The following ZNF385D variants were observed in gnomAD, a reference collection of about 807,000 sequenced individuals.
ZNF385D encodes the protein zinc finger protein 659.
A neutral mutation model predicts 35.8 loss-of-function variants in ZNF385D; 15 were observed. That is an observed-to-expected ratio of 0.42 (90% CI 0.28 to 0.64). The LOEUF is 0.64. Among genes scored for constraint, ZNF385D ranks in the 30% least tolerant of loss-of-function variants. ZNF385D has a pLI of 0.23. For synonymous variants in ZNF385D, 212 were observed against 186.8 expected, an observed-to-expected ratio of 1.13 and a Z score of -1.10; for missense variants, 474 against 494.6, an observed-to-expected ratio of 0.96 and a Z score of 0.39.
chr3:22,299,668 T>C (rs765629393), intron 2 of ZNF385D, among the ~76,000 whole-genome samples: 54 of 151,900 alleles, frequency 3.6e-4, no homozygotes, highest in Middle Eastern at 6.8e-3. Flanking sequence ...AGCTTATCTA[T>C]ACACTAATAA....
chr3:21,774,489 A>G (rs1338728513), intron 3 of ZNF385D, among the ~76,000 whole-genome samples: 1 of 151,940 alleles, frequency 6.6e-6, no homozygotes, highest in Non-Finnish European at 1.5e-5. Context: ...ATCTTTAAAA[A>G]TGGAGGCCAA....
chr3:22,354,251 G>A (rs73142203), intron 2 of ZNF385D, among the ~76,000 whole-genome samples: 8,379 of 151,868 alleles, frequency 0.055, 681 homozygotes, highest in African/African-American at 0.18. Context: ...CTGTATCTCA[G>A]TTTCTTCAGT....
chr3:21,534,606 G>A (rs2061995059), intron 3 of ZNF385D, among the ~76,000 whole-genome samples: 1 of 152,110 alleles, frequency 6.6e-6, no homozygotes, highest in Non-Finnish European at 1.5e-5. Context: ...AAATTCTGTT[G>A]CCAAGCTGAA....
At chr3:22,279,548 A>G (rs574688322) in intron 2 of ZNF385D, among the ~76,000 whole-genome samples, 1 of 139,518 alleles carries the variant, frequency 7.2e-6, no homozygotes, top group South Asian at 2.1e-4. Context: ...ATATGTATAT[A>G]CATATACATA....
intron 3 of ZNF385D, among the ~76,000 whole-genome samples, chr3:21,563,831 C>G (rs1271261437): frequency 6.6e-6 from 1 of 152,156 alleles, no homozygotes. Flanking sequence ...CATATCAAAG[C>G]AGGTTTAGCG....
chr3:21,458,330 C>A (rs1408578372), intron 4 of ZNF385D, among the ~76,000 whole-genome samples: 1 of 134,084 alleles, frequency 7.5e-6, no homozygotes, highest in Admixed American at 7.5e-5. Flanking sequence ...AAAAAAAAAG[C>A]AAATTATCCA....
intron 2 of ZNF385D, among the ~76,000 whole-genome samples, chr3:22,362,979 C>T (rs9849136): frequency 0.63 from 96,309 of 151,964 alleles, 30,975 homozygotes; most frequent in South Asian, 0.74. Context: ...AACTCACTGT[C>T]GAGATTACTG....
At chr3:22,186,745 C>T (rs1695662137) in intron 2 of ZNF385D, among the ~76,000 whole-genome samples, 1 of 152,006 alleles carries the variant, frequency 6.6e-6, no homozygotes, top group African/African-American at 2.4e-5. Context: ...CCCCAGTATT[C>T]ATAAAATATG....
chr3:21,509,971 T>C (rs976142094), intron 4 of ZNF385D, among the ~76,000 whole-genome samples: 4 of 152,216 alleles, frequency 2.6e-5, no homozygotes, highest in Non-Finnish European at 5.9e-5. Context: ...TCTGTTTTCA[T>C]CAGTCATATC....
chr3:22,166,968 G>A (rs1706375250), intron 3 of ZNF385D, among the ~76,000 whole-genome samples: 1 of 152,218 alleles, frequency 6.6e-6, no homozygotes, highest in East Asian at 1.9e-4. Context: ...ATAAGGAGTA[G>A]ATTTTTCTTA....
intron 2 of ZNF385D, among the ~76,000 whole-genome samples, chr3:21,631,931 G>A (rs2065293779): frequency 6.6e-6 from 1 of 152,124 alleles, no homozygotes; most frequent in Non-Finnish European, 1.5e-5. Context: ...CCTAGAGGCG[G>A]ATCCTTATTA....
At chr3:22,351,164 C>G (rs1559535597) in intron 2 of ZNF385D, among the ~76,000 whole-genome samples, 3 of 151,998 alleles carry the variant, frequency 2.0e-5, no homozygotes, top group Non-Finnish European at 4.4e-5. Flanking sequence ...AATAACCACT[C>G]AGGTTATTTT....
intron 3 of ZNF385D, among the ~76,000 whole-genome samples, chr3:22,061,388 C>T (rs570643869): frequency 1.3e-5 from 2 of 152,162 alleles, no homozygotes; most frequent in Non-Finnish European, 2.9e-5. Flanking sequence ...TATTCTAAGA[C>T]ATTGTTACCC....
intron 3 of ZNF385D, among the ~76,000 whole-genome samples, chr3:21,975,148 G>C (rs1188189993): frequency 6.6e-6 from 1 of 152,148 alleles, no homozygotes; most frequent in African/African-American, 2.4e-5. Context: ...GCTCTGCCAA[G>C]ATTTGGAAGC....
intron 2 of ZNF385D, among the ~76,000 whole-genome samples, chr3:22,182,972 A>G (rs1695384959): frequency 6.6e-6 from 1 of 152,144 alleles, no homozygotes; most frequent in Non-Finnish European, 1.5e-5. Context: ...TATAGATCTA[A>G]GAAAAAATGT....
At chr3:22,302,553 G>C (rs1049985383) in intron 2 of ZNF385D, among the ~76,000 whole-genome samples, 2 of 151,828 alleles carry the variant, frequency 1.3e-5, no homozygotes, top group Non-Finnish European at 2.9e-5. Context: ...ACTTACTCTA[G>C]ATTTGCAAAC....
intron 3 of ZNF385D, among the ~76,000 whole-genome samples, chr3:21,881,454 A>G (rs1040676686): frequency 3.9e-5 from 6 of 152,004 alleles, no homozygotes; most frequent in African/African-American, 1.4e-4. Context: ...TGATTTACTG[A>G]TTATTTTAAG....
chr3:21,518,909 C>A (rs1707744061), intron 3 of ZNF385D, among the ~76,000 whole-genome samples: 3 of 152,044 alleles, frequency 2.0e-5, no homozygotes, highest in South Asian at 4.1e-4. Flanking sequence ...TTTAATAATT[C>A]ATTTCAACTT....
At chr3:21,479,857 C>T (rs17008904) in intron 4 of ZNF385D, among the ~76,000 whole-genome samples, 2,537 of 152,192 alleles carry the variant, frequency 0.017, 43 homozygotes, top group South Asian at 0.091. Flanking sequence ...TCATAATGTA[C>T]TCAGACAGTA....
Sources: gnomAD v4.1 joint callset for allele counts (sites outside exome capture counted in the v4.1 genomes callset) on GRCh38, gnomAD v4.1.1 for gene constraint, MANE v1.5 for transcripts, NCBI Gene and HGNC (gene_info 2026-07-23, HGNC 2026-07-21) for gene names.